OTUB2: variants seen among roughly 807,000 people sequenced by gnomAD.
OTUB2 encodes the protein OTU deubiquitinase, ubiquitin aldehyde binding 2.
A neutral mutation model predicts 25.1 loss-of-function variants in OTUB2; 21 were observed. The observed-to-expected ratio is 0.84, with a 90% CI of 0.59 to 1.21. The LOEUF (loss-of-function observed/expected upper bound fraction) is 1.21, where lower values mean the gene tolerates loss of function less well. OTUB2 is among the 50% of genes most tolerant of loss of function. OTUB2 has a pLI of 0.00. For missense variants in OTUB2, 283 were observed against 298.0 expected, an observed-to-expected ratio of 0.95 and a Z score of 0.37; for synonymous variants, 122 against 122.8, an observed-to-expected ratio of 0.99 and a Z score of 0.04.
chr14:94,026,620 C>A, intron 1 of OTUB2, 80 bp downstream of exon 1: 1 of 1,195,724 alleles, frequency 8.4e-7, no homozygotes, highest in South Asian at 3.9e-5. Context: ...CGGGTGCACC[C>A]GCGGGACGGG....
At chr14:94,044,097 C>T in intron 4 of OTUB2, 42 bp downstream of exon 4, 1 of 1,565,738 alleles carries the variant, frequency 6.4e-7, no homozygotes, top group Non-Finnish European at 8.8e-7. Context: ...GCAGAGCAGA[C>T]AGGAGTGGGC....
intron 3 of OTUB2, among the ~76,000 whole-genome samples, chr14:94,041,330 G>C (rs1885157523): frequency 6.6e-6 from 1 of 152,154 alleles, no homozygotes; most frequent in South Asian, 2.1e-4. Flanking sequence ...ATAGAGTAGG[G>C]GTGTCTGGTG....
chr14:94,041,901 G>A (rs535434653), intron 3 of OTUB2, among the ~76,000 whole-genome samples: 1 of 150,776 alleles, frequency 6.6e-6, no homozygotes, highest in South Asian at 2.1e-4. Context: ...CGGACATTAA[G>A]TGATTGACTC....
intron 3 of OTUB2, 174 bp downstream of exon 3, chr14:94,039,255 T>A (rs1013317758): frequency 1.6e-6 from 1 of 609,682 alleles, no homozygotes; most frequent in Non-Finnish European, 2.9e-6. Context: ...TGTGGTGAAG[T>A]TGGGGGCAGC....
chr14:94,046,231 C>T lies in OTUB2; in HGVS notation c.*309C>T, dbSNP rs1885273010. 1 of 470,288 alleles carries T rather than the reference C, an allele frequency of 2.1e-6. No homozygotes were observed. Among genetic ancestry groups the T allele is most frequent in the Non-Finnish European group, 3.9e-6 (1 of 259,246 alleles). 29.1% of individuals were successfully genotyped at this position (470,288 alleles called of 1,614,324 possible). A position where few individuals can be genotyped will look rare whatever the true frequency, so the allele number is the denominator to read the frequency against. ...CTTGTTTCTTCAACTGGAGGAGGTC[C>T]CTGCCTATGCTGACATTCCATTGTA... On this transcript the variant is annotated 3_prime_UTR_variant, in exon 6 of 6. Transcript: ENST00000203664.
intron 4 of OTUB2, among the ~76,000 whole-genome samples, chr14:94,044,276 G>C (rs1348601044): frequency 6.6e-6 from 1 of 152,202 alleles, no homozygotes; most frequent in Non-Finnish European, 1.5e-5. Flanking sequence ...TGAAGGGGCG[G>C]GATCGAGGAC....
intron 4 of OTUB2, 53 bp downstream of exon 4, chr14:94,044,108 A>G: frequency 1.3e-6 from 2 of 1,519,786 alleles, no homozygotes; most frequent in Non-Finnish European, 1.8e-6. Context: ...AGGAGTGGGC[A>G]CTGGCTGGAG....
intron 3 of OTUB2, 67 bp from the exon 4 acceptor site, chr14:94,043,904 G>T (rs776816875): frequency 1.5e-5 from 21 of 1,430,312 alleles, no homozygotes; most frequent in Non-Finnish European, 2.0e-5. Context: ...AGAGGGGGAC[G>T]CACAGTTGCC....
chr14:94,034,351 C>A (rs1443669666), intron 1 of OTUB2, among the ~76,000 whole-genome samples: 1 of 152,168 alleles, frequency 6.6e-6, no homozygotes, highest in African/African-American at 2.4e-5. Context: ...GAGGTGGGGA[C>A]CTGGCCTGTT....
intron 1 of OTUB2, among the ~76,000 whole-genome samples, chr14:94,027,998 TG>T (rs1884894954): frequency 1.3e-5 from 2 of 152,238 alleles, no homozygotes; most frequent in African/African-American, 4.8e-5. Context: ...GCATGCCCTC[TG>T]GCCACCACTC....
At chr14:94,028,919 T>A (rs1884911952) in intron 1 of OTUB2, among the ~76,000 whole-genome samples, 1 of 152,114 alleles carries the variant, frequency 6.6e-6, no homozygotes, top group Admixed American at 6.5e-5. Context: ...AAGGGCACAT[T>A]CCTTTTGGCG....
At position 94,037,373 on chromosome 14, in the gene OTUB2, C is replaced by T. The variant is rs376164106; in HGVS notation, c.4-7C>T. On this transcript the variant is annotated splice_region_variant and splice_polypyrimidine_tract_variant and intron_variant, in intron 1 of 5. Transcript: ENST00000203664. ...GTCACAGCATTTCTTCCTTCCCTAT[C>T]TTTCAGAGTGAAACATCTTTCAACC... is the stretch of plus-strand genomic sequence containing the variant. 1.3e-4 allele frequency: 204 copies of T among 1,562,100 alleles called. 2 individuals carry two copies. Among genetic ancestry groups the T allele is most frequent in the African/African-American group, 5.3e-4 (39 of 73,754 alleles).
Position 94,044,774 on chromosome 14 carries a change from C to T in OTUB2, c.492C>T (p.Cys164=). The change falls in exon 5 of 6, where the codon TGC becomes TGT. Residue 164 remains cysteine, a synonymous_variant. Coordinates refer to ENST00000203664, the MANE Select transcript of OTUB2 (RefSeq NM_023112.4). ...AGGAGATGGACATCAAAGACTTCTG[C>T]ACTCACGTAGGTGCTTGGGGTCTCA... The part of the protein sequence containing the change: ...IDEEMDIKDF[C]THEVEPMATE... The T allele has an allele frequency of 1.2e-6, 2 of 1,611,612 alleles. No homozygotes were observed. The highest frequency in any genetic ancestry group is 8.5e-7 in the Non-Finnish European group (1 of 1,179,456).
At chr14:94,030,450 G>C (rs11622249) in intron 1 of OTUB2, among the ~76,000 whole-genome samples, 13,639 of 152,072 alleles carry the variant, frequency 0.09, 684 homozygotes, top group Middle Eastern at 0.16. Flanking sequence ...GCTCTAGGGA[G>C]AGGTCAGGCC....
chr14:94,044,572 C>G lies in OTUB2; in HGVS notation c.304-14C>G, dbSNP rs1294906885. 6.3e-7 allele frequency: 1 copy of G among 1,597,308 alleles called. No individual in the cohort carries two copies. On this transcript the variant is annotated splice_polypyrimidine_tract_variant and intron_variant, in intron 4 of 5. Coordinates refer to ENST00000203664, the MANE Select transcript of OTUB2 (RefSeq NM_023112.4). ...CTTGCTTGGCCTCCCTAGCTGAGGG[C>G]CGGGCGGGCGCAGTTTTACAGTGTG...
Position 94,037,388 on chromosome 14 carries a change from A to G in OTUB2, c.12A>G (p.Thr4=), listed in dbSNP as rs1885075499. 3.2e-6 allele frequency: 5 copies of G among 1,585,196 alleles called. No homozygotes were observed. The highest frequency in any genetic ancestry group is 4.3e-6 in the Non-Finnish European group (5 of 1,154,730). ...CCTTCCCTATCTTTCAGAGTGAAAC[A>G]TCTTTCAACCTAATATCAGAAAAAT... MSE[T]SFNLISEKCD... The change falls in exon 2 of 6, where the codon ACA becomes ACG. Residue 4 remains threonine (T), a synonymous_variant. Transcript: ENST00000203664.
At chr14:94,038,916 G>A (rs770105439) in intron 2 of OTUB2, 47 bp from the exon 3 acceptor site, 1 of 1,558,600 alleles carries the variant, frequency 6.4e-7, no homozygotes, top group Non-Finnish European at 8.9e-7. Context: ...AAACCACACA[G>A]AGCCGTTGTT....
At chr14:94,033,518 T>C (rs1037143524) in intron 1 of OTUB2, among the ~76,000 whole-genome samples, 2 of 152,242 alleles carry the variant, frequency 1.3e-5, no homozygotes, top group Non-Finnish European at 2.9e-5. Flanking sequence ...TTCTGCCATT[T>C]TGGTTTTGGT....
At chr14:94,026,641 G>A in intron 1 of OTUB2, 101 bp downstream of exon 1, 2 of 1,162,674 alleles carry the variant, frequency 1.7e-6, no homozygotes, top group Non-Finnish European at 2.2e-6. Context: ...GGTCGGACGC[G>A]AGGCTCAGCC....
Sources: allele counts gnomAD v4.1 joint callset (sites outside exome capture counted in the v4.1 genomes callset), GRCh38; gene constraint gnomAD v4.1.1; transcripts MANE v1.5; gene names NCBI Gene and HGNC (gene_info 2026-07-23, HGNC 2026-07-21).